RAMP3: variants seen among roughly 807,000 people sequenced by gnomAD.
RAMP3 encodes receptor activity modifying protein 3.
A neutral mutation model predicts 13.5 loss-of-function variants in RAMP3; 14 were observed. The ratio of observed to expected loss-of-function variants is 1.04; its 90% CI spans 0.69 to 1.63. The LOEUF (loss-of-function observed/expected upper bound fraction) is 1.63. RAMP3 is among the 40% of genes most tolerant of loss of function. RAMP3 has a pLI of 0.00. For synonymous variants in RAMP3, 106 were observed against 88.3 expected (o/e 1.20, Z -1.12); for missense variants, 200 against 204.8 (o/e 0.98, Z 0.14).
At chr7:45,182,098 C>T (rs1357775902) in intron 2 of RAMP3, among the ~76,000 whole-genome samples, 1 of 152,192 alleles carries the variant, frequency 6.6e-6, no homozygotes. Context: ...ATGTTCCATG[C>T]AGGAGGCAGC....
intron 1 of RAMP3, among the ~76,000 whole-genome samples, chr7:45,171,096 G>C (rs1786072666): frequency 6.6e-6 from 1 of 151,140 alleles, no homozygotes; most frequent in Non-Finnish European, 1.5e-5. Flanking sequence ...ATTTAGGAAT[G>C]CTGTTTATTT....
chr7:45,183,175 C>T lies in RAMP3; in HGVS notation c.210C>T (p.Thr70=). Residue 70 remains threonine (T), a synonymous_variant, in exon 3 of 3, where the codon ACC becomes ACT. Transcript: ENST00000242249. ...SEFIVYYESF[T]NCTEMEANVV... is the part of the protein sequence containing the mutation. ...TTTGCAGGTACTATGAGAGTTTCACCAACTGCACCGAGATGGAGGCCAATG... is the reference window on the plus strand; with the variant it reads ...TTTGCAGGTACTATGAGAGTTTCACTAACTGCACCGAGATGGAGGCCAATG... The T allele has an allele frequency of 1.9e-6, 3 of 1,612,162 alleles. No homozygotes were observed. The highest frequency in any genetic ancestry group is 2.5e-6 in the Non-Finnish European group (3 of 1,179,992).
At chr7:45,160,197 T>A (rs915876486) in intron 1 of RAMP3, among the ~76,000 whole-genome samples, 5 of 150,768 alleles carry the variant, frequency 3.3e-5, no homozygotes, top group Admixed American at 2.6e-4. Context: ...CCGGGTGTGG[T>A]GGTGCATACC....
intron 2 of RAMP3, among the ~76,000 whole-genome samples, chr7:45,181,769 G>A (rs1300068074): frequency 1.3e-5 from 2 of 152,166 alleles, no homozygotes; most frequent in Non-Finnish European, 2.9e-5. Flanking sequence ...CTAATGCCTG[G>A]GCATGTCTCA....
intron 1 of RAMP3, among the ~76,000 whole-genome samples, chr7:45,161,025 T>C (rs1327793454): frequency 6.6e-6 from 1 of 152,222 alleles, no homozygotes; most frequent in Admixed American, 6.5e-5. Context: ...GGCCCAGGGC[T>C]GGTGCTGTCA....
At chr7:45,166,721 A>T (rs1349386040) in intron 1 of RAMP3, among the ~76,000 whole-genome samples, 6 of 152,098 alleles carry the variant, frequency 3.9e-5, no homozygotes, top group Admixed American at 6.6e-5. Context: ...CATGTATAAG[A>T]AGGCTTTTTC....
chr7:45,180,050 C>A (rs567464813), intron 2 of RAMP3, among the ~76,000 whole-genome samples: 1 of 152,230 alleles, frequency 6.6e-6, no homozygotes, highest in Non-Finnish European at 1.5e-5. Flanking sequence ...TAGGGAGAAA[C>A]GAAAATACTG....
At chr7:45,167,735 C>A (rs1041365007) in intron 1 of RAMP3, among the ~76,000 whole-genome samples, 5 of 151,766 alleles carry the variant, frequency 3.3e-5, no homozygotes, top group African/African-American at 9.7e-5. Context: ...TACAGGCATG[C>A]GCCACCACGC....
chr7:45,168,785 C>T (rs564611557), intron 1 of RAMP3, among the ~76,000 whole-genome samples: 7 of 152,288 alleles, frequency 4.6e-5, no homozygotes, highest in African/African-American at 1.7e-4. Flanking sequence ...TGCTTAATTG[C>T]TCTGGCTAGA....
chr7:45,157,820 C>A lies in RAMP3; in HGVS notation c.-9C>A. ...GGACCGAGCGTGACCCAGCTGCGGC[C>A]GGCCAGCCATGGAGACTGGAGCGCT... is the stretch of plus-strand genomic sequence containing the variant. On this transcript the variant is annotated 5_prime_UTR_variant, in exon 1 of 3. Coordinates refer to ENST00000242249, the MANE Select transcript of RAMP3 (RefSeq NM_005856.3). 6.9e-7 allele frequency: 1 copy of A among 1,446,496 alleles called. No homozygotes were observed. The highest frequency in any genetic ancestry group is 9.0e-7 in the Non-Finnish European group (1 of 1,108,948). The allele number at this position is 1,446,496 out of a possible 1,614,324, so 89.6% of individuals were successfully genotyped here.
intron 1 of RAMP3, among the ~76,000 whole-genome samples, chr7:45,172,198 T>C (rs779302094): frequency 1.3e-5 from 2 of 152,194 alleles, no homozygotes; most frequent in Non-Finnish European, 2.9e-5. Flanking sequence ...AACCTGGAGC[T>C]GGGAGGGACA....
chr7:45,173,301 T>C (rs913814673), intron 1 of RAMP3, among the ~76,000 whole-genome samples: 2 of 152,232 alleles, frequency 1.3e-5, no homozygotes, highest in Non-Finnish European at 1.5e-5. Context: ...TGTCCGCTTA[T>C]CTTCTCTACA....
chr7:45,180,393 G>C lies in RAMP3; in HGVS notation c.192-2764G>C, dbSNP rs2267678. 3.6e-4 allele frequency among the ~76,000 whole-genome samples: 55 copies of C among 152,314 alleles called. No individual in the cohort carries two copies. The South Asian group carries it at 0.011, about 31-fold the overall frequency. ...CTGCTTTGGTCCCCACTGAAGCAGG[G>C]TGGGCCTTGGTGAGCTTAGAGGAGA... On this transcript the variant is annotated intron_variant, in intron 2 of 2. Transcript: ENST00000242249.
At chr7:45,172,309 C>T (rs1443516801) in intron 1 of RAMP3, among the ~76,000 whole-genome samples, 3 of 152,194 alleles carry the variant, frequency 2.0e-5, no homozygotes, top group Non-Finnish European at 4.4e-5. Flanking sequence ...GGCTCTACAG[C>T]CAGAGGTAGG....
At chr7:45,165,725 C>G (rs1785948320) in intron 1 of RAMP3, among the ~76,000 whole-genome samples, 1 of 152,172 alleles carries the variant, frequency 6.6e-6, no homozygotes, top group Non-Finnish European at 1.5e-5. Flanking sequence ...CTTAAGGAAT[C>G]ACTAATATGT....
At chr7:45,172,819 T>G (rs1009300220) in intron 1 of RAMP3, among the ~76,000 whole-genome samples, 3 of 152,218 alleles carry the variant, frequency 2.0e-5, no homozygotes, top group Non-Finnish European at 4.4e-5. Context: ...TATTTGCTCC[T>G]GCGGGGGCCT....
Position 45,184,051 on chromosome 7 carries a change from C to T in RAMP3, c.*639C>T, listed in dbSNP as rs1257762836. 2 of 403,998 alleles carry T rather than the reference C, an allele frequency of 5.0e-6. No individual in the cohort carries two copies. The highest frequency in any genetic ancestry group is 8.7e-6 in the Non-Finnish European group (2 of 229,136). The allele number at this position is 403,998 out of a possible 1,614,324, so 25.0% of individuals were successfully genotyped here. A position where few individuals can be genotyped will look rare whatever the true frequency, so the allele number is the denominator to read the frequency against. On this transcript the variant is annotated 3_prime_UTR_variant, in exon 3 of 3. Coordinates refer to ENST00000242249, the MANE Select transcript of RAMP3 (RefSeq NM_005856.3). ...ATCATGATGCTGTGCCCGCTATGGG[C>T]TGTGTCCATGACCAGAGGCTGGAGT... is the stretch of plus-strand genomic sequence containing the variant.
rs1417042022 is a variant in RAMP3 at position 45,183,713 on chromosome 7, C to T, written c.*301C>T. On this transcript the variant is annotated 3_prime_UTR_variant, in exon 3 of 3. Transcript: ENST00000242249. Reference sequence around the variant, plus strand: ...CCTGCTGCATCCTGTGCTCCGCAGGCTGGGCCGGAGCCTCTGCCCGCAGGT... The same window carrying T: ...CCTGCTGCATCCTGTGCTCCGCAGGTTGGGCCGGAGCCTCTGCCCGCAGGT... 2 of 577,866 alleles carry T rather than the reference C, an allele frequency of 3.5e-6. No individual in the cohort carries two copies. The highest frequency in any genetic ancestry group is 6.2e-6 in the Non-Finnish European group (2 of 324,480). 35.8% of individuals were successfully genotyped at this position (577,866 alleles called of 1,614,324 possible).
At chr7:45,179,038 C>A (rs1786251394) in intron 2 of RAMP3, among the ~76,000 whole-genome samples, 1 of 152,190 alleles carries the variant, frequency 6.6e-6, no homozygotes, top group Non-Finnish European at 1.5e-5. Context: ...GTGTCCAGAG[C>A]CCTCCTCCAC....
Sources: gnomAD v4.1 joint callset for allele counts (sites outside exome capture counted in the v4.1 genomes callset) on GRCh38, gnomAD v4.1.1 for gene constraint, MANE v1.5 for transcripts, NCBI Gene and HGNC (gene_info 2026-07-23, HGNC 2026-07-21) for gene names.